Variants in CACNA2D3 observed in about 807,000 individuals in gnomAD.
CACNA2D3 encodes the protein voltage-dependent calcium channel subunit alpha-2/delta-3.
Under a neutral mutation model 160.6 loss-of-function variants are expected in CACNA2D3, and 60 were observed. The ratio of observed to expected loss-of-function variants is 0.37; its 90% CI spans 0.30 to 0.46. The LOEUF is 0.46. Ranked by LOEUF, CACNA2D3 falls within the 20% of genes least tolerant of loss-of-function variation. The probability of loss-of-function intolerance (pLI) is 1.00; values close to 1 mark genes in which losing one functional copy is unlikely to be tolerated. For synonymous variants in CACNA2D3, 558 were observed against 492.9 expected (o/e 1.13, Z -1.75); for missense variants, 1,205 against 1,365.0 (o/e 0.88, Z 1.85).
At chr3:54,648,457 T>TTTTAGGAACCTTTTA in intron 11 of CACNA2D3, among the ~76,000 whole-genome samples, 2 of 152,218 alleles carry the variant, frequency 1.3e-5, no homozygotes, top group African/African-American at 4.8e-5. Context: ...TTCCCACCAC[T>TTTTAGGAACCTTTTA]AATCTAAAGG....
intron 27 of CACNA2D3, among the ~76,000 whole-genome samples, chr3:54,933,033 TTCCATCCA>T (rs140054701): frequency 6.8e-6 from 1 of 146,910 alleles, no homozygotes; most frequent in Non-Finnish European, 1.5e-5. Flanking sequence ...TAATATTGTC[TTCCATCCA>T]TCCATCCCTC....
intron 8 of CACNA2D3, among the ~76,000 whole-genome samples, chr3:54,579,232 A>T (rs1239225764): frequency 6.6e-6 from 1 of 152,208 alleles, no homozygotes; most frequent in African/African-American, 2.4e-5. Context: ...TTGGTTCAGC[A>T]TACAGGCATC....
intron 3 of CACNA2D3, among the ~76,000 whole-genome samples, chr3:54,383,183 T>A (rs942488947): frequency 6.6e-6 from 1 of 152,218 alleles, no homozygotes; most frequent in Non-Finnish European, 1.5e-5. Flanking sequence ...TAAATAACAT[T>A]TCTTTTAATT....
chr3:54,163,333 A>C (rs1700385117), intron 2 of CACNA2D3, among the ~76,000 whole-genome samples: 1 of 152,150 alleles, frequency 6.6e-6, no homozygotes, highest in Admixed American at 6.5e-5. Context: ...TCCACCTTTT[A>C]ACTGAGACCC....
At chr3:54,141,779 G>A (rs1699940313) in intron 2 of CACNA2D3, among the ~76,000 whole-genome samples, 1 of 152,182 alleles carries the variant, frequency 6.6e-6, no homozygotes, top group Non-Finnish European at 1.5e-5. Flanking sequence ...TTGGTCCCCA[G>A]CAGAAGCACA....
chr3:54,464,568 C>G (rs1237354804), intron 4 of CACNA2D3, among the ~76,000 whole-genome samples: 5 of 152,224 alleles, frequency 3.3e-5, no homozygotes, highest in Admixed American at 6.5e-5. Flanking sequence ...GGGCGTAGGA[C>G]CCTCCGAGCC....
At chr3:54,556,212 A>C (rs1702239913) in intron 5 of CACNA2D3, among the ~76,000 whole-genome samples, 1 of 152,200 alleles carries the variant, frequency 6.6e-6, no homozygotes, top group Non-Finnish European at 1.5e-5. Context: ...CTTTGCAGGC[A>C]TAATTAATTT....
At chr3:54,446,405 G>A (rs1474387495) in intron 4 of CACNA2D3, among the ~76,000 whole-genome samples, 1 of 152,134 alleles carries the variant, frequency 6.6e-6, no homozygotes, top group Non-Finnish European at 1.5e-5. Context: ...AGGACCCACA[G>A]GTGGTGAAGG....
rs1700031222 is a variant in CACNA2D3 at position 54,664,642 on chromosome 3, T to TCCA, written c.1167+22401_1167+22402insCCA. ...AAAATGTCTTTGTTCCATCATATTT[T>TCCA]TCCCTTTCTTTTCACAAACTTGAGA... On this transcript the variant is annotated intron_variant, in intron 11 of 37. Coordinates refer to ENST00000474759, the MANE Select transcript of CACNA2D3 (RefSeq NM_018398.3). Among the ~76,000 whole-genome samples, 8 of 152,360 alleles carry TCCA rather than the reference T, an allele frequency of 5.3e-5. No homozygotes were observed. The South Asian group carries it at 1.7e-3, about 32-fold the overall frequency.
intron 28 of CACNA2D3, 36 bp downstream of exon 28, chr3:54,968,547 ACT>A (rs1191431843): frequency 6.6e-7 from 1 of 1,512,688 alleles, no homozygotes; most frequent in East Asian, 2.3e-5. Flanking sequence ...CATTAGCGAC[ACT>A]GTTATTATAC....
chr3:54,504,082 CT>C (rs112338631), intron 5 of CACNA2D3, among the ~76,000 whole-genome samples: 1 of 152,276 alleles, frequency 6.6e-6, no homozygotes, highest in African/African-American at 2.4e-5. Context: ...CTTCTGACCC[CT>C]GATGTGGTAC....
At chr3:54,425,803 C>G (rs1041262701) in intron 4 of CACNA2D3, among the ~76,000 whole-genome samples, 1 of 152,238 alleles carries the variant, frequency 6.6e-6, no homozygotes, top group Non-Finnish European at 1.5e-5. Flanking sequence ...TTCCCTGCCC[C>G]GGAGCATCCC....
chr3:54,868,731 G>C (rs1343562364), intron 17 of CACNA2D3, among the ~76,000 whole-genome samples: 1 of 152,160 alleles, frequency 6.6e-6, no homozygotes, highest in African/African-American at 2.4e-5. Flanking sequence ...TCAACAAACA[G>C]CTTCTGTCTG....
chr3:54,811,606 T>C (rs1352964678), intron 13 of CACNA2D3, among the ~76,000 whole-genome samples: 1 of 150,916 alleles, frequency 6.6e-6, no homozygotes, highest in Non-Finnish European at 1.5e-5. Context: ...CAAGCGATTC[T>C]CCTGCTTCAG....
chr3:54,957,250 C>T (rs1302098465), intron 27 of CACNA2D3, among the ~76,000 whole-genome samples: 1 of 152,084 alleles, frequency 6.6e-6, no homozygotes, highest in African/African-American at 2.4e-5. Flanking sequence ...GCCTCAAACT[C>T]CTGGGCTCAG....
At chr3:54,752,493 A>T (rs1483533531) in intron 11 of CACNA2D3, 106 bp from the exon 12 acceptor site, 6 of 716,708 alleles carry the variant, frequency 8.4e-6, no homozygotes, top group Non-Finnish European at 2.5e-6. Context: ...GATGGGAAGC[A>T]TGGAGCATTA....
chr3:54,151,277 G>C (rs1700146646), intron 2 of CACNA2D3, among the ~76,000 whole-genome samples: 1 of 151,754 alleles, frequency 6.6e-6, no homozygotes, highest in South Asian at 2.1e-4. Context: ...GTGAATAGAT[G>C]AATGAATGGA....
chr3:54,865,263 T>C (rs1332547300), intron 17 of CACNA2D3, among the ~76,000 whole-genome samples: 1 of 152,262 alleles, frequency 6.6e-6, no homozygotes, highest in African/African-American at 2.4e-5. Context: ...AAGGGCAATA[T>C]ACTTTTCACT....
At position 54,885,523 on chromosome 3, in the gene CACNA2D3, C is replaced by T. The variant is rs535001875; in HGVS notation, c.1993C>T (p.Arg665Cys). The T allele has an allele frequency of 2.9e-5, 46 of 1,613,766 alleles. No individual in the cohort carries two copies. Among genetic ancestry groups the T allele is most frequent in the South Asian group, 4.4e-5 (4 of 91,014 alleles). Residue 665 changes from arginine to cysteine, a missense_variant, in exon 23 of 38, where the codon CGC (arginine) becomes TGC (cysteine). This residue lies in a region of CACNA2D3 where 911 missense variants were observed against 1,002.2 expected (regional missense o/e 0.91). Coordinates refer to ENST00000474759, the MANE Select transcript of CACNA2D3 (RefSeq NM_018398.3). ...CAACACTGACCTACACCCTGAGCAC[C>T]GCCATCTGTCTCAGTTAGAAGCGAT... ...YCNTDLHPEHRHLSQLEAIKL... is the reference protein window; with the variant it reads ...YCNTDLHPEHCHLSQLEAIKL...
Sources: gnomAD v4.1 joint callset for allele counts (sites outside exome capture counted in the v4.1 genomes callset) on GRCh38, gnomAD v4.1.1 for gene constraint, gnomAD v4.1.1 regional missense constraint, MANE v1.5 for transcripts, NCBI Gene and HGNC (gene_info 2026-07-23, HGNC 2026-07-21) for gene names.